GTF2E2: variants seen among roughly 807,000 people sequenced by gnomAD.
The protein encoded by GTF2E2 is transcription initiation factor IIE subunit beta.
A neutral mutation model predicts 40.5 loss-of-function variants in GTF2E2; 21 were observed. That is an observed-to-expected ratio of 0.52 (90% CI 0.37 to 0.75). The LOEUF (loss-of-function observed/expected upper bound fraction) is 0.75. GTF2E2 is among the 30% of genes least tolerant of loss of function. The pLI, the probability that GTF2E2 is intolerant of heterozygous loss-of-function variation, is 0.00. For synonymous variants in GTF2E2, 117 were observed against 121.6 expected (o/e 0.96, Z 0.25); for missense variants, 298 against 338.4 (o/e 0.88, Z 0.94).
At chr8:30,645,842 G>A in intron 2 of GTF2E2, 1 of 384,544 alleles carries the variant, frequency 2.6e-6, no homozygotes, top group Non-Finnish European at 4.6e-6. Flanking sequence ...TTCAAAAACT[G>A]GATAAAAGAT....
At chr8:30,622,407 G>T (rs1801133081) in intron 3 of GTF2E2, among the ~76,000 whole-genome samples, 1 of 150,234 alleles carries the variant, frequency 6.7e-6, no homozygotes, top group African/African-American at 2.4e-5. Flanking sequence ...ATAGGGTGTG[G>T]GTCACAGAGA....
At chr8:30,637,655 C>G (rs951297489) in intron 2 of GTF2E2, among the ~76,000 whole-genome samples, 2 of 152,152 alleles carry the variant, frequency 1.3e-5, no homozygotes, top group African/African-American at 4.8e-5. Context: ...TCCTGAATAG[C>G]TGGGATTACA....
chr8:30,604,140 T>C (rs184445263), intron 6 of GTF2E2, among the ~76,000 whole-genome samples: 107 of 152,226 alleles, frequency 7.0e-4, no homozygotes, highest in Non-Finnish European at 8.1e-4. Flanking sequence ...AAACTACTTT[T>C]CTTTTTATGA....
intron 6 of GTF2E2, among the ~76,000 whole-genome samples, chr8:30,593,014 T>TTCGTGGTTTCA (rs1274708436): frequency 6.6e-6 from 1 of 152,056 alleles, no homozygotes; most frequent in Non-Finnish European, 1.5e-5. Context: ...CAGCCTGACC[T>TTCGTGGTTTCA]GAAACCCCGT....
At chr8:30,590,553 C>T (rs1344326166) in intron 6 of GTF2E2, among the ~76,000 whole-genome samples, 1 of 152,120 alleles carries the variant, frequency 6.6e-6, no homozygotes, top group Non-Finnish European at 1.5e-5. Flanking sequence ...ACTCTAACTC[C>T]TAGAGGAAAA....
intron 6 of GTF2E2, among the ~76,000 whole-genome samples, chr8:30,593,031 T>C (rs2151113423): frequency 6.6e-6 from 1 of 152,066 alleles, no homozygotes; most frequent in African/African-American, 2.4e-5. Flanking sequence ...CCGTCTCTAC[T>C]AAAAATACAA....
chr8:30,635,061 C>T lies in GTF2E2; in HGVS notation c.229G>A (p.Val77Ile), dbSNP rs1801547861. The change falls in exon 3 of 8, where the codon GTT (valine) becomes ATT (isoleucine). Residue 77 changes from valine (V) to isoleucine (I), a missense_variant. Val to Ile is a conservative substitution (Grantham distance 29). Coordinates refer to ENST00000355904, the MANE Select transcript of GTF2E2 (RefSeq NM_002095.6). Reference sequence around the variant, plus strand: ...ATGTAATTCACAATCTTAGCAAGAACACCAAACTTATATCCAGAGCTTCCT... The same window carrying T: ...ATGTAATTCACAATCTTAGCAAGAATACCAAACTTATATCCAGAGCTTCCT... ...LSGSSGYKFG[V>I]LAKIVNYMKT... is the part of the protein sequence containing the mutation. 3.7e-6 allele frequency: 6 copies of T among 1,604,978 alleles called. No homozygotes were observed. The highest frequency in any genetic ancestry group is 1.7e-5 in the Admixed American group (1 of 59,840).
chr8:30,620,334 CTA>C (rs1221126729), intron 3 of GTF2E2, among the ~76,000 whole-genome samples: 9 of 151,874 alleles, frequency 5.9e-5, no homozygotes, highest in Non-Finnish European at 1.3e-4. Context: ...GTCTTTATTG[CTA>C]TGACATCAAT....
chr8:30,605,613 GTTAT>G (rs1267841659), intron 6 of GTF2E2, among the ~76,000 whole-genome samples: 1 of 143,650 alleles, frequency 7.0e-6, no homozygotes, highest in Admixed American at 6.8e-5. Context: ...AAAGGAATCG[GTTAT>G]TTCTTAGATT....
At chr8:30,620,239 A>ACACAAAC (rs1801048708) in intron 3 of GTF2E2, among the ~76,000 whole-genome samples, 1 of 150,418 alleles carries the variant, frequency 6.6e-6, no homozygotes, top group African/African-American at 2.5e-5. Context: ...CACACACACA[A>ACACAAAC]ACACACACAC....
At chr8:30,638,476 A>G (rs1316182482) in intron 2 of GTF2E2, 3 of 152,500 alleles carry the variant, frequency 2.0e-5, no homozygotes, top group Non-Finnish European at 4.4e-5. Flanking sequence ...TTTATGAATG[A>G]TTTACTCTTA....
At position 30,612,684 on chromosome 8, in the gene GTF2E2, C is replaced by A. The variant is rs182536013; in HGVS notation, c.367-203G>T. Among the ~76,000 whole-genome samples the A allele has an allele frequency of 3.8e-3, 581 of 152,256 alleles. 7 individuals carry two copies. Among genetic ancestry groups the A allele is most frequent in the African/African-American group, 0.013 (558 of 41,540 alleles). On this transcript the variant is annotated intron_variant, in intron 4 of 7. Transcript: ENST00000355904. ...CCTCCCTCCCTCTCAGCACCTGGGA[C>A]TGCAGGTGCGCACCACCACACCCAG...
intron 6 of GTF2E2, among the ~76,000 whole-genome samples, chr8:30,606,108 C>T (rs189425398): frequency 1.3e-5 from 2 of 152,330 alleles, no homozygotes; most frequent in East Asian, 1.9e-4. Flanking sequence ...AGCATAAGTT[C>T]ACTACATACT....
intron 2 of GTF2E2, chr8:30,638,680 TTATGATGCAA>T (rs1460292510): frequency 2.0e-5 from 3 of 152,634 alleles, no homozygotes; most frequent in African/African-American, 7.2e-5. Context: ...GTACATGTCC[TTATGATGCAA>T]TAGGAAAATA....
chr8:30,582,013 A>T (rs75833452), intron 6 of GTF2E2, among the ~76,000 whole-genome samples: 2,042 of 152,148 alleles, frequency 0.013, 38 homozygotes, highest in African/African-American at 0.046. Flanking sequence ...TTCTTTTTTT[A>T]AAATTTATTT....
chr8:30,580,056 G>C (rs879090895), intron 7 of GTF2E2, among the ~76,000 whole-genome samples: 14 of 152,186 alleles, frequency 9.2e-5, no homozygotes, highest in Non-Finnish European at 1.8e-4. Context: ...TATACCTCAA[G>C]AGCAGGACTG....
chr8:30,582,617 G>A (rs1173783704), intron 6 of GTF2E2, among the ~76,000 whole-genome samples: 1 of 152,190 alleles, frequency 6.6e-6, no homozygotes, highest in Non-Finnish European at 1.5e-5. Flanking sequence ...CATTCTCTAA[G>A]TGTGGCCAGT....
At chr8:30,638,803 G>T (rs892896541) in intron 2 of GTF2E2, among the ~76,000 whole-genome samples, 1 of 152,174 alleles carries the variant, frequency 6.6e-6, no homozygotes, top group Non-Finnish European at 1.5e-5. Flanking sequence ...ATGAAAATAT[G>T]AAGACTGCCT....
At chr8:30,616,151 G>C (rs555270099) in intron 3 of GTF2E2, among the ~76,000 whole-genome samples, 2 of 152,258 alleles carry the variant, frequency 1.3e-5, no homozygotes, top group African/African-American at 4.8e-5. Context: ...AAAAAGTTTA[G>C]TGGCTGCAGG....
Sources: gnomAD v4.1 joint callset for allele counts (sites outside exome capture counted in the v4.1 genomes callset) on GRCh38, gnomAD v4.1.1 for gene constraint, MANE v1.5 for transcripts, NCBI Gene and HGNC (gene_info 2026-07-23, HGNC 2026-07-21) for gene names.